The following ADCYAP1R1 variants were observed in gnomAD, a reference collection of about 807,000 sequenced individuals.
ADCYAP1R1 encodes ADCYAP receptor type I.
Under a neutral mutation model 67.6 loss-of-function variants are expected in ADCYAP1R1, and 44 were observed. That is an observed-to-expected ratio of 0.65 (90% confidence interval 0.51 to 0.84). The LOEUF (loss-of-function observed/expected upper bound fraction) is 0.84, where lower values mean the gene tolerates loss of function less well. ADCYAP1R1 is among the 40% of genes least tolerant of loss of function. The probability of loss-of-function intolerance (pLI) is 0.00; values close to 1 mark genes in which losing one functional copy is unlikely to be tolerated. For synonymous variants in ADCYAP1R1, 222 were observed against 219.6 expected, an observed-to-expected ratio of 1.01 and a Z score of -0.10; for missense variants, 477 against 587.9, an observed-to-expected ratio of 0.81 and a Z score of 1.95.
chr7:31,074,265 T>A (rs1434372846), intron 3 of ADCYAP1R1, among the ~76,000 whole-genome samples: 1 of 152,206 alleles, frequency 6.6e-6, no homozygotes, highest in Non-Finnish European at 1.5e-5. Flanking sequence ...CTTCCGGTGC[T>A]AATGCTGAGT....
Position 31,106,734 on chromosome 7 carries a change from G to C in ADCYAP1R1, c.*50G>C. 6.6e-7 allele frequency: 1 copy of C among 1,523,052 alleles called. No homozygotes were observed. Among genetic ancestry groups the C allele is most frequent in the Non-Finnish European group, 8.8e-7 (1 of 1,133,536 alleles). The allele number at this position is 1,523,052 out of a possible 1,614,324, so 94.3% of individuals were successfully genotyped here. On this transcript the variant is annotated 3_prime_UTR_variant, in exon 16 of 16. Transcript: ENST00000304166. The stretch of plus-strand genomic sequence containing the variant: ...CCTCCATCCACAGGCTGGGACCGCA[G>C]GCAGGTGCCAGCCCACGCATGTTTG...
chr7:31,101,583 CT>C (rs1295655741), intron 13 of ADCYAP1R1, among the ~76,000 whole-genome samples: 2 of 152,354 alleles, frequency 1.3e-5, no homozygotes, highest in Non-Finnish European at 2.9e-5. Flanking sequence ...GCATTCCCGA[CT>C]TTCATTCCTT....
chr7:31,094,578 G>T (rs937008528), intron 13 of ADCYAP1R1, among the ~76,000 whole-genome samples: 11 of 151,822 alleles, frequency 7.2e-5, no homozygotes, highest in African/African-American at 2.4e-4. Context: ...CCTCTTCTCT[G>T]GGGGGGTCCT....
chr7:31,091,666 G>A (rs1795967963), intron 12 of ADCYAP1R1, among the ~76,000 whole-genome samples: 1 of 152,136 alleles, frequency 6.6e-6, no homozygotes, highest in South Asian at 2.1e-4. Flanking sequence ...TTACTGAATA[G>A]GGAGTCCTTT....
At chr7:31,070,736 A>G (rs1469580691) in intron 3 of ADCYAP1R1, among the ~76,000 whole-genome samples, 2 of 152,238 alleles carry the variant, frequency 1.3e-5, no homozygotes, top group Non-Finnish European at 2.9e-5. Context: ...AAGTCTGGTC[A>G]TTCTAAAACT....
chr7:31,054,751 C>T (rs542141086), intron 1 of ADCYAP1R1, among the ~76,000 whole-genome samples: 3 of 152,314 alleles, frequency 2.0e-5, no homozygotes, highest in Non-Finnish European at 4.4e-5. Flanking sequence ...AGTGCAGAGC[C>T]GGAGCTTAGC....
At chr7:31,105,251 C>T (rs148099363) in intron 15 of ADCYAP1R1, among the ~76,000 whole-genome samples, 121 of 152,322 alleles carry the variant, frequency 7.9e-4, no homozygotes, top group African/African-American at 2.8e-3. Flanking sequence ...GAGGAATTGA[C>T]AATAAGGAAG....
chr7:31,093,457 C>T (rs750771855), intron 13 of ADCYAP1R1, among the ~76,000 whole-genome samples: 2 of 152,174 alleles, frequency 1.3e-5, no homozygotes, highest in African/African-American at 4.8e-5. Context: ...TCCCATTTCT[C>T]TCTCCGCCCT....
intron 4 of ADCYAP1R1, 139 bp from the exon 5 acceptor site, chr7:31,080,474 C>T: frequency 1.2e-6 from 1 of 821,780 alleles, no homozygotes. Flanking sequence ...CTTCTGGGTC[C>T]CCCAGAGCCC....
rs752547075 is a variant in ADCYAP1R1, at chr7:31,080,629, C to T, written c.282C>T (p.Thr94=). The change falls in exon 5 of 16, where the codon ACC becomes ACT. Residue 94 remains threonine, a synonymous_variant. Coordinates refer to ENST00000304166, the MANE Select transcript of ADCYAP1R1 (RefSeq NM_001118.5). Reference sequence around the variant, plus strand: ...CTGTTTCAGTCTGGGAGACCGAAACCATTGGTAAGAGGAACCTTGGTGAGG... The same window carrying T: ...CTGTTTCAGTCTGGGAGACCGAAACTATTGGTAAGAGGAACCTTGGTGAGG... ...FNPDQVWETE[T]IGESDFGDSN... is the part of the protein sequence containing the mutation. 6.2e-7 allele frequency: 1 copy of T among 1,613,830 alleles called. No individual in the cohort carries two copies. The highest frequency in any genetic ancestry group is 1.7e-5 in the Admixed American group (1 of 60,010).
At chr7:31,103,435 T>G (rs1053027323) in intron 14 of ADCYAP1R1, 69 bp downstream of exon 14, 1 of 1,602,878 alleles carries the variant, frequency 6.2e-7, no homozygotes, top group Middle Eastern at 1.7e-4. Flanking sequence ...CTGCAAGTGG[T>G]GCTGGAGCCT....
chr7:31,087,554 A>T (rs1795801297), intron 11 of ADCYAP1R1, 73 bp from the exon 12 acceptor site: 4 of 1,373,730 alleles, frequency 2.9e-6, no homozygotes, highest in Non-Finnish European at 4.2e-6. Context: ...CCAGCTAGGC[A>T]GGGCAGTGTC....
intron 12 of ADCYAP1R1, among the ~76,000 whole-genome samples, chr7:31,090,913 A>G (rs1216438798): frequency 6.6e-6 from 1 of 152,060 alleles, no homozygotes; most frequent in East Asian, 1.9e-4. Context: ...AGAATGATAT[A>G]TTTTCCTTTG....
At chr7:31,054,156 C>A (rs1794144303) in intron 1 of ADCYAP1R1, among the ~76,000 whole-genome samples, 2 of 152,130 alleles carry the variant, frequency 1.3e-5, no homozygotes, top group Non-Finnish European at 2.9e-5. Context: ...CTGAGCAGGC[C>A]CTGGGCCAGC....
chr7:31,097,792 T>C (rs868214744), intron 13 of ADCYAP1R1, among the ~76,000 whole-genome samples: 5 of 149,944 alleles, frequency 3.3e-5, no homozygotes, highest in Admixed American at 6.6e-5. Flanking sequence ...AAGCTTGGCA[T>C]GTAGGAGGCA....
chr7:31,059,722 T>G (rs1182032325), intron 1 of ADCYAP1R1, among the ~76,000 whole-genome samples: 1 of 152,094 alleles, frequency 6.6e-6, no homozygotes, highest in African/African-American at 2.4e-5. Flanking sequence ...AGCCTAAGTC[T>G]GTAAGCTCTG....
intron 3 of ADCYAP1R1, among the ~76,000 whole-genome samples, chr7:31,077,578 TTGTA>T (rs1262258300): frequency 1.5e-4 from 22 of 146,644 alleles, no homozygotes; most frequent in Admixed American, 1.2e-3. Context: ...TGTGTGTGTG[TTGTA>T]TGTGTGTGTG....
At chr7:31,055,149 A>T (rs1794186389) in intron 1 of ADCYAP1R1, among the ~76,000 whole-genome samples, 1 of 152,180 alleles carries the variant, frequency 6.6e-6, no homozygotes, top group Non-Finnish European at 1.5e-5. Context: ...GCTTTCTATG[A>T]CACCTGCCAG....
intron 12 of ADCYAP1R1, among the ~76,000 whole-genome samples, chr7:31,090,170 A>G (rs1211774509): frequency 1.3e-5 from 2 of 151,742 alleles, no homozygotes; most frequent in East Asian, 3.9e-4. Flanking sequence ...CTACTTTTTA[A>G]CTTCTTCTGA....
Sources: allele counts gnomAD v4.1 joint callset (sites outside exome capture counted in the v4.1 genomes callset), GRCh38; gene constraint gnomAD v4.1.1; transcripts MANE v1.5; gene names NCBI Gene and HGNC (gene_info 2026-07-23, HGNC 2026-07-21).